The following FSTL5 variants were observed in gnomAD, a reference collection of about 807,000 sequenced individuals.
The protein encoded by FSTL5 is follistatin-related protein 5.
Under a neutral mutation model 89.1 loss-of-function variants are expected in FSTL5, and 62 were observed. The observed-to-expected ratio is 0.70, with a 90% confidence interval of 0.57 to 0.86. FSTL5 has a LOEUF of 0.86. FSTL5 is among the 40% of genes least tolerant of loss of function. The pLI is 0.00. For missense variants in FSTL5, 1,057 were observed against 1,001.6 expected (o/e 1.06, Z -0.75); for synonymous variants, 383 against 346.2 (o/e 1.11, Z -1.18).
chr4:161,411,274 C>G lies in FSTL5; in HGVS notation c.1842-24825G>C, dbSNP rs572217416. Among the ~76,000 whole-genome samples, 4 of 152,128 alleles carry G rather than the reference C, an allele frequency of 2.6e-5. No homozygotes were observed. The South Asian group carries it at 8.3e-4, about 32-fold the overall frequency. ...CCAGATGCACAAAGAAGAACTGATA[C>G]TAATCCTACTAAAAGTTTTCAAACA... On this transcript the variant is annotated intron_variant, in intron 15 of 15. Coordinates refer to ENST00000306100, the MANE Select transcript of FSTL5 (RefSeq NM_020116.5).
chr4:161,536,775 A>G (rs910913611), intron 10 of FSTL5, among the ~76,000 whole-genome samples: 3 of 152,214 alleles, frequency 2.0e-5, no homozygotes, highest in African/African-American at 7.2e-5. Context: ...AGGGAAACAT[A>G]TTAAAAAGTA....
rs56699988 is a variant in FSTL5, at chr4:161,647,520, T to TAA, written c.894+8806_894+8807dup. On this transcript the variant is annotated intron_variant, in intron 7 of 15. Transcript: ENST00000306100. ...TCAGGATTGTTGCTTTTATTTCGTT[T>TAA]AAAAAAAAAAAAGCCAAGATTTTGG... Among the ~76,000 whole-genome samples the TAA allele has an allele frequency of 5.5e-3, 800 of 146,394 alleles. 10 individuals carry two copies. The highest frequency in any genetic ancestry group is 0.017 in the African/African-American group (678 of 40,146).
At chr4:161,884,284 C>T (rs1732731060) in intron 4 of FSTL5, among the ~76,000 whole-genome samples, 1 of 152,084 alleles carries the variant, frequency 6.6e-6, no homozygotes, top group Admixed American at 6.6e-5. Flanking sequence ...GATCTGCCTG[C>T]CTCAGCATTT....
At chr4:162,010,111 T>C (rs1207926480) in intron 3 of FSTL5, among the ~76,000 whole-genome samples, 1 of 152,212 alleles carries the variant, frequency 6.6e-6, no homozygotes, top group East Asian at 1.9e-4. Flanking sequence ...TTGCTTTTTA[T>C]AGAGTTCAAC....
chr4:161,460,435 G>A (rs1733522794), intron 13 of FSTL5, among the ~76,000 whole-genome samples: 1 of 73,950 alleles, frequency 1.4e-5, no homozygotes, highest in African/African-American at 4.1e-5. Flanking sequence ...TCCCCACCCC[G>A]TGTCCAAGTG....
chr4:161,834,750 T>C (rs1730975862), intron 4 of FSTL5, among the ~76,000 whole-genome samples: 2 of 152,072 alleles, frequency 1.3e-5, no homozygotes, highest in South Asian at 2.1e-4. Flanking sequence ...ACAAGGGACG[T>C]GAAGGACCTC....
chr4:161,670,707 C>T (rs1047766211), intron 6 of FSTL5, among the ~76,000 whole-genome samples: 1 of 152,144 alleles, frequency 6.6e-6, no homozygotes, highest in Non-Finnish European at 1.5e-5. Context: ...TAGGAGCTTG[C>T]AGCAAACAGA....
At chr4:161,836,533 T>C (rs1731049043) in intron 4 of FSTL5, among the ~76,000 whole-genome samples, 1 of 151,516 alleles carries the variant, frequency 6.6e-6, no homozygotes, top group African/African-American at 2.4e-5. Flanking sequence ...GCAGCATCCC[T>C]CAGGGAGAGG....
chr4:161,505,250 A>G (rs1478917461), intron 11 of FSTL5, among the ~76,000 whole-genome samples: 2 of 152,198 alleles, frequency 1.3e-5, no homozygotes, highest in African/African-American at 4.8e-5. Context: ...TCTTTGGTTC[A>G]TGAATGTTCT....
intron 15 of FSTL5, among the ~76,000 whole-genome samples, chr4:161,436,946 C>A (rs1732578531): frequency 6.6e-6 from 1 of 151,970 alleles, no homozygotes. Context: ...ATATGCCAGG[C>A]AATAAACTAT....
chr4:161,822,702 C>T (rs577738966), intron 4 of FSTL5, among the ~76,000 whole-genome samples: 110 of 152,160 alleles, frequency 7.2e-4, no homozygotes, highest in Middle Eastern at 3.4e-3. Flanking sequence ...GTATGGTGAG[C>T]GGGGGGGCAT....
At chr4:161,854,638 A>T (rs1469664828) in intron 4 of FSTL5, among the ~76,000 whole-genome samples, 1 of 152,174 alleles carries the variant, frequency 6.6e-6, no homozygotes, top group Non-Finnish European at 1.5e-5. Flanking sequence ...CAAATAAGAA[A>T]TGTCAGGAAT....
chr4:161,787,065 G>T (rs1462437770), intron 4 of FSTL5, among the ~76,000 whole-genome samples: 3 of 152,116 alleles, frequency 2.0e-5, no homozygotes, highest in African/African-American at 7.2e-5. Context: ...AATAATAGGA[G>T]ATAGAGTAAA....
At chr4:162,015,487 T>C (rs1310069945) in intron 3 of FSTL5, among the ~76,000 whole-genome samples, 2 of 152,194 alleles carry the variant, frequency 1.3e-5, no homozygotes, top group East Asian at 3.9e-4. Context: ...TAACGTGCCA[T>C]GCCACACCAC....
chr4:161,633,915 G>A, intron 7 of FSTL5, among the ~76,000 whole-genome samples: 1 of 152,112 alleles, frequency 6.6e-6, no homozygotes, highest in Non-Finnish European at 1.5e-5. Context: ...GTTAAAGTAA[G>A]TTTGTTATGT....
chr4:162,125,290 G>T (rs534380223), intron 1 of FSTL5, among the ~76,000 whole-genome samples: 2 of 152,188 alleles, frequency 1.3e-5, no homozygotes, highest in South Asian at 2.1e-4. Context: ...AAGCTGTCAT[G>T]TTTGAGAAAA....
chr4:162,141,912 G>C (rs1294536518), intron 1 of FSTL5, among the ~76,000 whole-genome samples: 3 of 151,980 alleles, frequency 2.0e-5, no homozygotes, highest in African/African-American at 7.2e-5. Context: ...TACACAGGTA[G>C]AAAAAAGTGT....
intron 4 of FSTL5, among the ~76,000 whole-genome samples, chr4:161,812,739 T>C (rs1200813969): frequency 6.6e-6 from 1 of 151,968 alleles, no homozygotes; most frequent in Admixed American, 6.6e-5. Flanking sequence ...GTCTACATTT[T>C]CAACAATATT....
intron 12 of FSTL5, among the ~76,000 whole-genome samples, chr4:161,486,583 C>T (rs1389280287): frequency 1.3e-5 from 2 of 152,084 alleles, no homozygotes; most frequent in Non-Finnish European, 1.5e-5. Context: ...AATCAGGTTC[C>T]TAAGACAGGC....
Sources: allele counts gnomAD v4.1 joint callset (sites outside exome capture counted in the v4.1 genomes callset), GRCh38; gene constraint gnomAD v4.1.1; transcripts MANE v1.5; gene names NCBI Gene and HGNC (gene_info 2026-07-23, HGNC 2026-07-21).